FOXJ3: variants seen among roughly 807,000 people sequenced by gnomAD.
FOXJ3 encodes forkhead box protein J3.
In FOXJ3, 22 loss-of-function variants were observed where a neutral mutation model predicts 76.1. The observed-to-expected ratio is 0.29, with a 90% CI of 0.21 to 0.41. The LOEUF (loss-of-function observed/expected upper bound fraction) is 0.41, where lower values mean the gene tolerates loss of function less well. Ranked by LOEUF, FOXJ3 falls within the 10% of genes least tolerant of loss-of-function variation. The pLI, the probability that FOXJ3 is intolerant of heterozygous loss-of-function variation, is 1.00. For synonymous variants in FOXJ3, 269 were observed against 261.2 expected (o/e 1.03, Z -0.29); for missense variants, 613 against 762.1 (o/e 0.80, Z 2.30).
Position 42,194,935 on chromosome 1 carries a change from G to A in FOXJ3, c.889C>T (p.Arg297Trp), listed in dbSNP as rs1036691817. 2 of 1,612,048 alleles carry A rather than the reference G, an allele frequency of 1.2e-6. No individual in the cohort carries two copies. The highest frequency in any genetic ancestry group is 1.7e-6 in the Non-Finnish European group (2 of 1,179,144). Residue 297 changes from arginine (R) to tryptophan (W), a missense_variant, in exon 8 of 13, where the codon CGG (arginine) becomes TGG (tryptophan). This residue lies in a region of FOXJ3 where 526 missense variants were observed against 601.4 expected (regional missense o/e 0.87). Coordinates refer to ENST00000361346, the MANE Select transcript of FOXJ3 (RefSeq NM_014947.5). ...TCAAAAACTGACTTATAAAGGCTCC[G>A]AAATGAGGCACTAAGATCTTCAAAA... ...YNFEDLSASF[R>W]SLYKSVFEQS...
intron 7 of FOXJ3, among the ~76,000 whole-genome samples, chr1:42,195,917 TG>T: frequency 6.6e-6 from 1 of 152,370 alleles, no homozygotes; most frequent in East Asian, 1.9e-4. Flanking sequence ...GTGATTATCC[TG>T]GAACAAGTGG....
intron 2 of FOXJ3, among the ~76,000 whole-genome samples, chr1:42,289,757 T>G (rs1489210777): frequency 6.6e-6 from 1 of 152,164 alleles, no homozygotes; most frequent in Non-Finnish European, 1.5e-5. Flanking sequence ...ATTACAGACC[T>G]TCCATACTGC....
At position 42,284,340 on chromosome 1, in the gene FOXJ3, T is replaced by A. The variant is rs192600358; in HGVS notation, c.45-5668A>T. 5.1e-4 allele frequency among the ~76,000 whole-genome samples: 78 copies of A among 152,338 alleles called. 2 individuals carry two copies. In the East Asian group the frequency reaches 0.011, roughly 21 times the overall value. ...TTTGAAAAGCAAGCCATATGCCAAC[T>A]GAGGCTAGTGCAAAAACAGAAATGC... On this transcript the variant is annotated intron_variant, in intron 2 of 12. Transcript: ENST00000361346.
intron 5 of FOXJ3, among the ~76,000 whole-genome samples, chr1:42,219,459 G>T (rs1487877820): frequency 2.6e-5 from 4 of 152,160 alleles, no homozygotes; most frequent in Non-Finnish European, 5.9e-5. Context: ...GCAGCCACTG[G>T]GGGTCTTGGA....
At chr1:42,192,499 CAAG>C (rs1646569068) in intron 8 of FOXJ3, among the ~76,000 whole-genome samples, 1 of 152,086 alleles carries the variant, frequency 6.6e-6, no homozygotes, top group African/African-American at 2.4e-5. Flanking sequence ...TACTCTTTAA[CAAG>C]AAGGGAAACT....
chr1:42,287,002 C>T (rs930167996), intron 2 of FOXJ3, among the ~76,000 whole-genome samples: 4 of 151,620 alleles, frequency 2.6e-5, no homozygotes, highest in Non-Finnish European at 5.9e-5. Flanking sequence ...GAAAAATTCA[C>T]AATATATTCA....
chr1:42,216,003 T>G (rs1647056715), intron 5 of FOXJ3, among the ~76,000 whole-genome samples: 1 of 152,016 alleles, frequency 6.6e-6, no homozygotes, highest in Admixed American at 6.6e-5. Context: ...GGAAAAAATT[T>G]ATATAACATA....
chr1:42,208,080 G>C (rs768951536), intron 5 of FOXJ3, among the ~76,000 whole-genome samples: 2 of 152,152 alleles, frequency 1.3e-5, no homozygotes, highest in Non-Finnish European at 2.9e-5. Flanking sequence ...TAAATTACTC[G>C]AACTTTATGC....
In FOXJ3 at chr1:42,181,886, C is replaced by G. The variant is rs1646329504; in HGVS notation, c.1753+31G>C. On this transcript the variant is annotated intron_variant, in intron 12 of 12. Transcript: ENST00000361346. ...GTGCTCACACACACACACACACACACACACACACTCACTCTCTCTCTCTCT... is the reference window on the plus strand; with the variant it reads ...GTGCTCACACACACACACACACACAGACACACACTCACTCTCTCTCTCTCT... 3 of 1,416,716 alleles carry G rather than the reference C, an allele frequency of 2.1e-6. No individual in the cohort carries two copies. In the East Asian group the frequency reaches 6.8e-5, roughly 32 times the overall value. 87.8% of individuals were successfully genotyped at this position (1,416,716 alleles called of 1,614,324 possible).
At chr1:42,183,088 A>G (rs989900053) in intron 11 of FOXJ3, among the ~76,000 whole-genome samples, 1 of 150,446 alleles carries the variant, frequency 6.6e-6, no homozygotes, top group Admixed American at 6.6e-5. Context: ...CAGACTGGCC[A>G]ACACGGCAAA....
intron 7 of FOXJ3, among the ~76,000 whole-genome samples, chr1:42,197,681 AAAG>A (rs1044100570): frequency 1.4e-5 from 2 of 141,346 alleles, no homozygotes; most frequent in South Asian, 2.5e-4. Context: ...TAAAAAAAAA[AAAG>A]AAAGAAAGAA....
chr1:42,249,545 ACATT>A (rs1480778415), intron 4 of FOXJ3, among the ~76,000 whole-genome samples: 1 of 152,252 alleles, frequency 6.6e-6, no homozygotes, highest in Non-Finnish European at 1.5e-5. Context: ...GATTTCTAGA[ACATT>A]CAAAGACCAA....
chr1:42,262,811 T>C (rs530746885), intron 4 of FOXJ3, among the ~76,000 whole-genome samples: 6 of 152,342 alleles, frequency 3.9e-5, no homozygotes, highest in Admixed American at 3.9e-4. Context: ...ACTGCACCAC[T>C]GCACTCCAGC....
intron 1 of FOXJ3, among the ~76,000 whole-genome samples, chr1:42,334,654 C>T (rs998662567): frequency 2.0e-5 from 3 of 152,214 alleles, no homozygotes; most frequent in African/African-American, 7.2e-5. Flanking sequence ...GGGAAGAAGC[C>T]GCAGAGTGCC....
intron 3 of FOXJ3, among the ~76,000 whole-genome samples, chr1:42,277,976 CAAAAAAA>C (rs755384247): frequency 3.9e-5 from 2 of 51,588 alleles, no homozygotes; most frequent in South Asian, 6.8e-4. Flanking sequence ...GACTCCATCT[CAAAAAAA>C]AAAAAAAAAA....
rs1449171165 is a variant in FOXJ3 at position 42,227,978 on chromosome 1, G to C, written c.445-12C>G. ...GCCCAGTAGGACCCCTAGAGGTAAA[G>C]AAATTATATTAACAGTATATTACAG... On this transcript the variant is annotated splice_polypyrimidine_tract_variant and intron_variant, in intron 4 of 12. Coordinates refer to ENST00000361346, the MANE Select transcript of FOXJ3 (RefSeq NM_014947.5). 1 of 1,397,630 alleles carries C rather than the reference G, an allele frequency of 7.2e-7. No homozygotes were observed. Among genetic ancestry groups the C allele is most frequent in the Non-Finnish European group, 9.9e-7 (1 of 1,006,710 alleles). The allele number at this position is 1,397,630 out of a possible 1,614,324, so 86.6% of individuals were successfully genotyped here. A position where few individuals can be genotyped will look rare whatever the true frequency, so the allele number is the denominator to read the frequency against.
intron 1 of FOXJ3, among the ~76,000 whole-genome samples, chr1:42,324,079 A>AGT (rs373961060): frequency 5.4e-5 from 4 of 74,270 alleles, no homozygotes; most frequent in South Asian, 5.0e-4. Flanking sequence ...GTGTATATAT[A>AGT]GTATATATAC....
intron 4 of FOXJ3, among the ~76,000 whole-genome samples, chr1:42,261,256 A>G (rs1034642003): frequency 6.6e-6 from 1 of 152,192 alleles, no homozygotes; most frequent in African/African-American, 2.4e-5. Flanking sequence ...AAGAGAAGAG[A>G]CAAAAGACGG....
chr1:42,320,986 G>A (rs1234828174), intron 1 of FOXJ3, among the ~76,000 whole-genome samples: 1 of 152,134 alleles, frequency 6.6e-6, no homozygotes, highest in Non-Finnish European at 1.5e-5. Flanking sequence ...GAACCTAACA[G>A]AACTTACTGG....
Sources: gnomAD v4.1 joint callset for allele counts (sites outside exome capture counted in the v4.1 genomes callset) on GRCh38, gnomAD v4.1.1 for gene constraint, gnomAD v4.1.1 regional missense constraint, MANE v1.5 for transcripts, NCBI Gene and HGNC (gene_info 2026-07-23, HGNC 2026-07-21) for gene names.